Variants in CTNNA3 observed in about 807,000 individuals in gnomAD.
CTNNA3 encodes the protein catenin alpha-3.
A neutral mutation model predicts 95.7 loss-of-function variants in CTNNA3; 76 were observed. The observed-to-expected ratio is 0.79, with a 90% CI of 0.66 to 0.96. The LOEUF is 0.96. Ranked by LOEUF, CTNNA3 falls within the 40% of genes least tolerant of loss-of-function variation. The pLI is 0.00. For synonymous variants in CTNNA3, 431 were observed against 374.4 expected, an observed-to-expected ratio of 1.15 and a Z score of -1.74; for missense variants, 1,191 against 1,089.8, an observed-to-expected ratio of 1.09 and a Z score of -1.31.
intron 7 of CTNNA3, among the ~76,000 whole-genome samples, chr10:66,919,424 G>A (rs1846676291): frequency 6.6e-6 from 1 of 152,090 alleles, no homozygotes; most frequent in African/African-American, 2.4e-5. Context: ...CTAGATTTCT[G>A]TATTCCCATA....
At chr10:66,623,040 G>A (rs1222853937) in intron 9 of CTNNA3, among the ~76,000 whole-genome samples, 2 of 152,062 alleles carry the variant, frequency 1.3e-5, no homozygotes, top group Non-Finnish European at 2.9e-5. Flanking sequence ...TGGCTTGAAG[G>A]TCACAATGCC....
chr10:66,949,094 T>C (rs370926541), intron 7 of CTNNA3, among the ~76,000 whole-genome samples: 2 of 152,248 alleles, frequency 1.3e-5, no homozygotes, highest in Non-Finnish European at 2.9e-5. Flanking sequence ...ATAATCTGCA[T>C]TGATAACATT....
At chr10:67,042,002 C>T (rs1228596755) in intron 7 of CTNNA3, among the ~76,000 whole-genome samples, 1 of 151,944 alleles carries the variant, frequency 6.6e-6, no homozygotes, top group African/African-American at 2.4e-5. Context: ...TTGAAGTAAC[C>T]TTAAAGTACG....
At chr10:66,520,833 TG>T in intron 10 of CTNNA3, 60 bp from the exon 11 acceptor site, 1 of 1,334,606 alleles carries the variant, frequency 7.5e-7, no homozygotes, top group South Asian at 1.2e-5. Context: ...ATTTGGGTGA[TG>T]GGCACACTAA....
chr10:66,901,406 C>A (rs1262391529), intron 7 of CTNNA3, among the ~76,000 whole-genome samples: 2 of 152,292 alleles, frequency 1.3e-5, no homozygotes, highest in African/African-American at 4.8e-5. Context: ...CAACTGGTAC[C>A]AGCCACTGCA....
intron 17 of CTNNA3, among the ~76,000 whole-genome samples, chr10:65,927,533 T>A (rs889058675): frequency 3.3e-5 from 5 of 152,204 alleles, no homozygotes; most frequent in African/African-American, 9.6e-5. Flanking sequence ...TTTCTATAGT[T>A]GTATATAAAT....
chr10:67,715,823 G>T (rs567527692), intron 1 of CTNNA3, among the ~76,000 whole-genome samples: 1 of 151,942 alleles, frequency 6.6e-6, no homozygotes, highest in East Asian at 1.9e-4. Context: ...GGAACTGGCT[G>T]GGCTGTATAT....
At chr10:66,263,659 T>G (rs1222873773) in intron 13 of CTNNA3, among the ~76,000 whole-genome samples, 1 of 151,964 alleles carries the variant, frequency 6.6e-6, no homozygotes, top group Non-Finnish European at 1.5e-5. Flanking sequence ...TCTCATTATA[T>G]CTAAGCCCAG....
intron 1 of CTNNA3, among the ~76,000 whole-genome samples, chr10:67,655,029 T>C (rs1369330852): frequency 6.6e-6 from 1 of 152,224 alleles, no homozygotes; most frequent in East Asian, 1.9e-4. Context: ...TTCTCCCAGG[T>C]AACTATTCTT....
rs577776184 is a variant in CTNNA3, at chr10:67,214,478, TATAC to T, written c.843+5125_843+5128del. ...GACACAATCATTCTACAATTTTAAT[TATAC>T]AAAGTATACATAGTTATTAATCATT... On this transcript the variant is annotated intron_variant, in intron 6 of 17. Transcript: ENST00000433211. 1.5e-4 allele frequency among the ~76,000 whole-genome samples: 23 copies of T among 152,026 alleles called. No individual in the cohort carries two copies. The East Asian group carries it at 4.4e-3, about 29-fold the overall frequency.
At chr10:67,317,149 T>C (rs1841087667) in intron 5 of CTNNA3, among the ~76,000 whole-genome samples, 1 of 148,960 alleles carries the variant, frequency 6.7e-6, no homozygotes, top group Admixed American at 6.9e-5. Context: ...GCAGCACATA[T>C]CATCGGGTTT....
chr10:66,858,055 T>C (rs1207597071), intron 7 of CTNNA3, among the ~76,000 whole-genome samples: 1 of 152,032 alleles, frequency 6.6e-6, no homozygotes, highest in Non-Finnish European at 1.5e-5. Context: ...TTTGGGCTGT[T>C]ATTATTTTGA....
chr10:66,778,446 T>G (rs1046348394), intron 7 of CTNNA3, among the ~76,000 whole-genome samples: 1 of 152,092 alleles, frequency 6.6e-6, no homozygotes, highest in African/African-American at 2.4e-5. Flanking sequence ...AAAACACAAC[T>G]GCAGATAACA....
intron 17 of CTNNA3, among the ~76,000 whole-genome samples, chr10:65,943,422 C>A (rs928185693): frequency 2.6e-5 from 4 of 152,100 alleles, no homozygotes; most frequent in African/African-American, 7.2e-5. Flanking sequence ...GTACATATAA[C>A]CTCAAATATT....
intron 16 of CTNNA3, among the ~76,000 whole-genome samples, chr10:65,985,630 T>C (rs1258478044): frequency 6.6e-6 from 1 of 151,452 alleles, no homozygotes; most frequent in Non-Finnish European, 1.5e-5. Flanking sequence ...ACAGAAAACC[T>C]AACATTATAA....
At chr10:66,747,639 A>G (rs540745630) in intron 9 of CTNNA3, among the ~76,000 whole-genome samples, 1 of 152,260 alleles carries the variant, frequency 6.6e-6, no homozygotes, top group South Asian at 2.1e-4. Flanking sequence ...CAAATTCCAG[A>G]AATTACATGT....
intron 7 of CTNNA3, among the ~76,000 whole-genome samples, chr10:67,084,815 A>G (rs1857216471): frequency 6.6e-6 from 1 of 152,038 alleles, no homozygotes; most frequent in Non-Finnish European, 1.5e-5. Context: ...ATTAAGGTTC[A>G]TCCTTTCCTT....
chr10:65,991,670 T>C (rs1209619913), intron 15 of CTNNA3, among the ~76,000 whole-genome samples: 1 of 152,056 alleles, frequency 6.6e-6, no homozygotes, highest in African/African-American at 2.4e-5. Flanking sequence ...AGGTTTTTCT[T>C]AATATAAGAT....
intron 2 of CTNNA3, among the ~76,000 whole-genome samples, chr10:67,611,011 T>C (rs1843437760): frequency 6.6e-6 from 1 of 152,196 alleles, no homozygotes; most frequent in African/African-American, 2.4e-5. Context: ...AGGAAGGAAC[T>C]TCCATGGGAA....
Sources: gnomAD v4.1 joint callset for allele counts (sites outside exome capture counted in the v4.1 genomes callset) on GRCh38, gnomAD v4.1.1 for gene constraint, MANE v1.5 for transcripts, NCBI Gene and HGNC (gene_info 2026-07-23, HGNC 2026-07-21) for gene names.